SLC28A1: variants seen among roughly 807,000 people sequenced by gnomAD.
SLC28A1 encodes solute carrier family 28 member 1, also known as sodium/nucleoside cotransporter 1.
Under a neutral mutation model 74.8 loss-of-function variants are expected in SLC28A1, and 64 were observed. The observed-to-expected ratio is 0.86, with a 90% confidence interval of 0.70 to 1.05. The LOEUF is 1.05. Ranked by LOEUF, SLC28A1 falls within the 50% of genes least tolerant of loss-of-function variation. The pLI is 0.00. For missense variants in SLC28A1, 828 were observed against 822.8 expected, an observed-to-expected ratio of 1.01 and a Z score of -0.08; for synonymous variants, 359 against 335.0, an observed-to-expected ratio of 1.07 and a Z score of -0.78.
the SLC28A1 span, among the ~76,000 whole-genome samples, chr15:84,974,255 G>C: frequency 5.9e-5 from 9 of 152,314 alleles, no homozygotes; most frequent in African/African-American, 2.2e-4. Flanking sequence ...GAGGTAGATC[G>C]TATTTCGTTT....
At chr15:84,968,908 G>C in the SLC28A1 span, among the ~76,000 whole-genome samples, 2 of 152,114 alleles carry the variant, frequency 1.3e-5, no homozygotes, top group Admixed American at 6.6e-5. Context: ...CCATCAGCCC[G>C]GGTAAGGGGA....
chr15:84,890,546 G>A lies in SLC28A1; in HGVS notation c.277+12G>A, dbSNP rs1263969893. ...CCTGCTCTGCACTGGTGAGCCTGGG[G>A]CCCAGCACTACCCAGGACACAATGA... is the stretch of plus-strand genomic sequence containing the variant. On this transcript the variant is annotated intron_variant, in intron 5 of 18. Transcript: ENST00000394573. 5 of 1,598,824 alleles carry A rather than the reference G, an allele frequency of 3.1e-6. No individual in the cohort carries two copies. The highest frequency in any genetic ancestry group is 1.7e-5 in the Admixed American group (1 of 59,532).
intron 15 of SLC28A1, chr15:84,940,461 G>A (rs1257809806): frequency 1.3e-5 from 2 of 152,048 alleles, no homozygotes; most frequent in African/African-American, 4.8e-5. Context: ...AGTGTGGGGG[G>A]GTTAAATACA....
intron 3 of SLC28A1, 45 bp from the exon 4 acceptor site, chr15:84,888,727 G>A: frequency 1.4e-6 from 2 of 1,403,110 alleles, no homozygotes; most frequent in Non-Finnish European, 2.0e-6. Context: ...GTTCCTGGGG[G>A]TGGGTAAGGG....
At position 84,929,088 on chromosome 15, in the gene SLC28A1, A is replaced by G. The variant is rs186250765; in HGVS notation, c.1084-4057A>G. On this transcript the variant is annotated intron_variant, in intron 12 of 18. Coordinates refer to ENST00000394573, the MANE Select transcript of SLC28A1 (RefSeq NM_004213.5). Reference sequence around the variant, plus strand: ...GAGCACTTGAAATGAGGCTAGTCGTATTGAAAAACTTTTAAGATGTTTTAT... The same window carrying G: ...GAGCACTTGAAATGAGGCTAGTCGTGTTGAAAAACTTTTAAGATGTTTTAT... 7.9e-5 allele frequency among the ~76,000 whole-genome samples: 12 copies of G among 152,324 alleles called. No homozygotes were observed. In the East Asian group the frequency reaches 2.1e-3, roughly 27 times the overall value.
intron 9 of SLC28A1, among the ~76,000 whole-genome samples, chr15:84,911,404 C>T (rs942950795): frequency 5.3e-5 from 8 of 152,254 alleles, no homozygotes; most frequent in Non-Finnish European, 8.8e-5. Context: ...GTGTGTTGGC[C>T]GCAATGGCAC....
chr15:84,972,840 A>G, the SLC28A1 span, among the ~76,000 whole-genome samples: 6 of 152,246 alleles, frequency 3.9e-5, 1 homozygote, highest in Admixed American at 3.9e-4. Flanking sequence ...TTTACCAAAC[A>G]CAAAGGTGTA....
At chr15:84,888,890 G>A in intron 4 of SLC28A1, 30 bp downstream of exon 4, 2 of 1,492,238 alleles carry the variant, frequency 1.3e-6, no homozygotes, top group Non-Finnish European at 1.8e-6. Context: ...ACAAGGGCGG[G>A]CCTGGGGTGG....
At chr15:84,954,328 G>T in the SLC28A1 span, among the ~76,000 whole-genome samples, 6 of 152,164 alleles carry the variant, frequency 3.9e-5, no homozygotes, top group African/African-American at 9.7e-5. Flanking sequence ...GAGATCGGGG[G>T]TGTTGTTTCC....
At chr15:84,918,457 G>A in intron 9 of SLC28A1, 67 bp from the exon 10 acceptor site, 1 of 1,258,732 alleles carries the variant, frequency 7.9e-7, no homozygotes, top group Non-Finnish European at 1.2e-6. Context: ...GGGTCTCCTG[G>A]GCCCCGCCTG....
chr15:84,924,157 C>A, intron 12 of SLC28A1, 47 bp downstream of exon 12: 1 of 1,600,304 alleles, frequency 6.2e-7, no homozygotes, highest in Non-Finnish European at 8.5e-7. Context: ...GACCTGAAGC[C>A]CATCTTTGTG....
Position 84,895,128 on chromosome 15 carries a change from G to T in SLC28A1, c.461+5G>T, listed in dbSNP as rs201080436. 2.5e-6 allele frequency: 4 copies of T among 1,613,640 alleles called. No homozygotes were observed. The highest frequency in any genetic ancestry group is 1.3e-5 in the African/African-American group (1 of 74,924). ...CCTGCTGCTCTGGTTTAAGAGGTGAGTGAGCTCACAGCCCCGAGGCAGGGC... is the reference window on the plus strand; with the variant it reads ...CCTGCTGCTCTGGTTTAAGAGGTGATTGAGCTCACAGCCCCGAGGCAGGGC... On this transcript the variant is annotated splice_donor_5th_base_variant and intron_variant, in intron 6 of 18. Transcript: ENST00000394573.
At chr15:84,887,400 G>A (rs1250664640) in intron 2 of SLC28A1, 3 of 985,218 alleles carry the variant, frequency 3.0e-6, no homozygotes, top group Non-Finnish European at 3.6e-6. Flanking sequence ...AGATGTGGGT[G>A]CAGGCTGGGG....
intron 12 of SLC28A1, among the ~76,000 whole-genome samples, chr15:84,931,820 G>A (rs1031487270): frequency 1.3e-5 from 2 of 151,320 alleles, no homozygotes; most frequent in Non-Finnish European, 2.9e-5. Flanking sequence ...TGGCCAACAC[G>A]GTGAAACGCC....
intron 10 of SLC28A1, among the ~76,000 whole-genome samples, chr15:84,920,126 G>C (rs1269675389): frequency 6.6e-6 from 1 of 152,204 alleles, no homozygotes; most frequent in Non-Finnish European, 1.5e-5. Context: ...GAATTCCAGG[G>C]AAGCAGATTT....
At chr15:84,949,909 T>C (rs916112560), downstream of SLC28A1, among the ~76,000 whole-genome samples, 1 of 152,002 alleles carries the variant, frequency 6.6e-6, no homozygotes, top group African/African-American at 2.4e-5. Context: ...GGTATCCTAA[T>C]TGCCCACCAC....
At chr15:84,912,473 C>T (rs1385939091) in intron 9 of SLC28A1, among the ~76,000 whole-genome samples, 2 of 152,142 alleles carry the variant, frequency 1.3e-5, no homozygotes, top group Non-Finnish European at 2.9e-5. Flanking sequence ...TGCCCTGGAC[C>T]TGGAGTCCAG....
intron 9 of SLC28A1, among the ~76,000 whole-genome samples, chr15:84,915,716 A>G (rs996232862): frequency 6.6e-6 from 1 of 151,992 alleles, no homozygotes; most frequent in African/African-American, 2.4e-5. Flanking sequence ...AGTGCTAGTG[A>G]CTATCCCTTC....
intron 16 of SLC28A1, 45 bp from the exon 17 acceptor site, chr15:84,944,521 A>G: frequency 7.3e-7 from 1 of 1,370,194 alleles, no homozygotes; most frequent in Non-Finnish European, 1.0e-6. Context: ...GCGGGCAGAG[A>G]GGGACACAGC....
Sources: gnomAD v4.1 joint callset for allele counts (sites outside exome capture counted in the v4.1 genomes callset) on GRCh38, gnomAD v4.1.1 for gene constraint, MANE v1.5 for transcripts, NCBI Gene and HGNC (gene_info 2026-07-23, HGNC 2026-07-21) for gene names.